CDC123: variants seen among roughly 807,000 people sequenced by gnomAD.
CDC123 encodes translation initiation factor eIF2 assembly protein.
In CDC123, 37 loss-of-function variants were observed where a neutral mutation model predicts 54.4. The ratio of observed to expected loss-of-function variants is 0.68; its 90% CI spans 0.52 to 0.89. The LOEUF is 0.89. Ranked by LOEUF, CDC123 falls within the 40% of genes least tolerant of loss-of-function variation. The probability of loss-of-function intolerance (pLI) is 0.00; values close to 1 mark genes in which losing one functional copy is unlikely to be tolerated. For missense variants in CDC123, 361 were observed against 412.1 expected (o/e 0.88, Z 1.07); for synonymous variants, 144 against 136.8 (o/e 1.05, Z -0.37).
chr10:12,230,164 T>C (rs532763767), intron 6 of CDC123, among the ~76,000 whole-genome samples: 1 of 152,206 alleles, frequency 6.6e-6, no homozygotes, highest in African/African-American at 2.4e-5. Context: ...TATATATTCA[T>C]GCGGTACATA....
intron 4 of CDC123, among the ~76,000 whole-genome samples, chr10:12,213,805 G>A (rs1478208742): frequency 7.2e-5 from 11 of 152,126 alleles, no homozygotes; most frequent in Admixed American, 6.6e-4. Context: ...TTTAGATCAG[G>A]AATATTGAAA....
chr10:12,218,681 C>G (rs1835693664), intron 6 of CDC123, among the ~76,000 whole-genome samples: 1 of 152,210 alleles, frequency 6.6e-6, no homozygotes, highest in Non-Finnish European at 1.5e-5. Flanking sequence ...CTCTGTTCTT[C>G]CAGAGCTGCA....
chr10:12,213,709 C>A (rs144230115), intron 4 of CDC123, among the ~76,000 whole-genome samples: 20 of 151,990 alleles, frequency 1.3e-4, no homozygotes, highest in African/African-American at 3.4e-4. Context: ...CTCTTTAATG[C>A]GTGTTGAAGA....
intron 11 of CDC123, among the ~76,000 whole-genome samples, chr10:12,248,630 A>G (rs1213580239): frequency 1.3e-5 from 2 of 148,210 alleles, no homozygotes; most frequent in African/African-American, 5.0e-5. Flanking sequence ...ACGTGGAGAA[A>G]CCCCGTCTCT....
chr10:12,204,155 C>T (rs1041065678), intron 2 of CDC123, among the ~76,000 whole-genome samples: 1 of 150,756 alleles, frequency 6.6e-6, no homozygotes, highest in East Asian at 1.9e-4. Context: ...TTTAATTAAT[C>T]ACTGTGAGCT....
intron 2 of CDC123, among the ~76,000 whole-genome samples, chr10:12,201,960 C>T (rs1835446006): frequency 6.6e-6 from 1 of 152,116 alleles, no homozygotes; most frequent in Admixed American, 6.5e-5. Context: ...TCTCAGATTA[C>T]TAATAGAACA....
At chr10:12,219,164 A>G (rs1835700469) in intron 6 of CDC123, among the ~76,000 whole-genome samples, 2 of 152,258 alleles carry the variant, frequency 1.3e-5, no homozygotes, top group African/African-American at 2.4e-5. Context: ...TCGGTCGTGC[A>G]TCAACTCTGG....
chr10:12,200,120 A>ATTTTTTTTTTTTT lies in CDC123; in HGVS notation c.146+1355_146+1367dup, dbSNP rs543337462. Reference sequence around the variant, plus strand: ...ATAGGCCTGAGCCACCGCACTCGGCATTTTTTTTTTTTTTTTTTTTTTTAA... The same window carrying ATTTTTTTTTTTTT: ...ATAGGCCTGAGCCACCGCACTCGGCATTTTTTTTTTTTTTTTTTTTTTTTTTTTTTTTTTTTAA... On this transcript the variant is annotated intron_variant, in intron 2 of 12. Transcript: ENST00000281141. Among the ~76,000 whole-genome samples the ATTTTTTTTTTTTT allele has an allele frequency of 3.7e-3, 219 of 59,352 alleles. 40 individuals carry two copies. Among genetic ancestry groups the ATTTTTTTTTTTTT allele is most frequent in the African/African-American group, 0.012 (198 of 16,656 alleles). 38.9% of individuals were successfully genotyped at this position (59,352 alleles called of 152,430 possible). A position where few individuals can be genotyped will look rare whatever the true frequency, so the allele number is the denominator to read the frequency against.
At chr10:12,235,848 C>G (rs113652987) in intron 8 of CDC123, among the ~76,000 whole-genome samples, 3,205 of 152,238 alleles carry the variant, frequency 0.021, 105 homozygotes, top group African/African-American at 0.071. Flanking sequence ...TGTAAGTACT[C>G]TAAAGCGGGG....
At chr10:12,244,704 G>T (rs977963455) in intron 10 of CDC123, 5 of 148,544 alleles carry the variant, frequency 3.4e-5, no homozygotes, top group African/African-American at 1.3e-4. Flanking sequence ...TTGTACAGAC[G>T]GAACACTTAC....
At chr10:12,203,631 A>C (rs555007966) in intron 2 of CDC123, among the ~76,000 whole-genome samples, 1 of 152,316 alleles carries the variant, frequency 6.6e-6, no homozygotes, top group African/African-American at 2.4e-5. Context: ...TTCACTGAAC[A>C]GTTATTGCAT....
chr10:12,238,334 A>G, intron 9 of CDC123, 123 bp from the exon 10 acceptor site: 1 of 1,069,276 alleles, frequency 9.4e-7, no homozygotes, highest in Non-Finnish European at 1.3e-6. Flanking sequence ...GTTTAGAAGC[A>G]TGAAGTCCTC....
At position 12,210,342 on chromosome 10, in the gene CDC123, A is replaced by G. The variant is rs1324772749; in HGVS notation, c.237+20A>G. On this transcript the variant is annotated intron_variant, in intron 4 of 12. Transcript: ENST00000281141. ...CTTACGGTAAGAGCACAGCAGACTC[A>G]GCGTGGGGACAGCCTCACACTGTCA... The G allele has an allele frequency of 6.2e-7, 1 of 1,613,950 alleles. No homozygotes were observed. Among genetic ancestry groups the G allele is most frequent in the Admixed American group, 1.7e-5 (1 of 59,982 alleles).
At chr10:12,221,807 T>G (rs1021699344) in intron 6 of CDC123, among the ~76,000 whole-genome samples, 1 of 151,864 alleles carries the variant, frequency 6.6e-6, no homozygotes, top group Non-Finnish European at 1.5e-5. Flanking sequence ...TTTACTTATT[T>G]TTTAGCTCAT....
At position 12,198,603 on chromosome 10, in the gene CDC123, T is replaced by G. The variant is rs533433573; in HGVS notation, c.75-102T>G. ...CATCATTAACATTTTCTACTTTATATTAAAAGAAAGACAATTCCAAAATTA... is the reference window on the plus strand; with the variant it reads ...CATCATTAACATTTTCTACTTTATAGTAAAAGAAAGACAATTCCAAAATTA... On this transcript the variant is annotated intron_variant, in intron 1 of 12. Coordinates refer to ENST00000281141, the MANE Select transcript of CDC123 (RefSeq NM_006023.3). The G allele has an allele frequency of 1.2e-3, 852 of 718,236 alleles. 2 individuals are homozygous for G. Among genetic ancestry groups the G allele is most frequent in the Non-Finnish European group, 1.8e-3 (713 of 404,374 alleles). The allele number at this position is 718,236 out of a possible 1,614,324, so 44.5% of individuals were successfully genotyped here. A position where few individuals can be genotyped will look rare whatever the true frequency, so the allele number is the denominator to read the frequency against.
intron 5 of CDC123, 127 bp downstream of exon 5, chr10:12,215,962 A>G: frequency 3.5e-6 from 2 of 572,144 alleles, no homozygotes; most frequent in Non-Finnish European, 5.9e-6. Flanking sequence ...GGAATTTATT[A>G]TTAATTTCCC....
chr10:12,239,152 C>G (rs1417008451), intron 10 of CDC123, among the ~76,000 whole-genome samples: 1 of 151,904 alleles, frequency 6.6e-6, no homozygotes, highest in Non-Finnish European at 1.5e-5. Context: ...GAGACCCCAT[C>G]CCCTCCTCAA....
At position 12,226,000 on chromosome 10, in the gene CDC123, A is replaced by G. The variant is rs571790203; in HGVS notation, c.441-4948A>G. ...GCTGCCTTCAAGCATCTGTTTAACA[A>G]AGCACATCTTGCACCGCCCTTAATC... On this transcript the variant is annotated intron_variant, in intron 6 of 12. Transcript: ENST00000281141. 2.6e-5 allele frequency among the ~76,000 whole-genome samples: 4 copies of G among 151,974 alleles called. No homozygotes were observed. The South Asian group carries it at 8.3e-4, about 32-fold the overall frequency.
rs184356375 is a variant in CDC123, at chr10:12,242,209, G to A, written c.717+3724G>A. Among the ~76,000 whole-genome samples, 8 of 152,246 alleles carry A rather than the reference G, an allele frequency of 5.3e-5. No individual in the cohort carries two copies. The East Asian group carries it at 1.4e-3, about 26-fold the overall frequency. On this transcript the variant is annotated intron_variant, in intron 10 of 12. Coordinates refer to ENST00000281141, the MANE Select transcript of CDC123 (RefSeq NM_006023.3). Reference sequence around the variant, plus strand: ...AGCCGTCGTTCTTGTTAAGTGGTCCGCTTTTCCTGCCAACACCACCCTCCT... The same window carrying A: ...AGCCGTCGTTCTTGTTAAGTGGTCCACTTTTCCTGCCAACACCACCCTCCT...
Sources: allele counts gnomAD v4.1 joint callset (sites outside exome capture counted in the v4.1 genomes callset), GRCh38; gene constraint gnomAD v4.1.1; transcripts MANE v1.5; gene names NCBI Gene and HGNC (gene_info 2026-07-23, HGNC 2026-07-21).